Variants in RELL1 observed in about 807,000 individuals in gnomAD.
RELL1 encodes RELT-like protein 1.
A neutral mutation model predicts 23.0 loss-of-function variants in RELL1; 10 were observed. The observed-to-expected ratio is 0.43, with a 90% CI of 0.27 to 0.74. The LOEUF (loss-of-function observed/expected upper bound fraction) is 0.74. Among genes scored for constraint, RELL1 ranks in the 30% least tolerant of loss-of-function variants. RELL1 has a pLI of 0.19. For synonymous variants in RELL1, 146 were observed against 146.8 expected, an observed-to-expected ratio of 0.99 and a Z score of 0.04; for missense variants, 315 against 364.4, an observed-to-expected ratio of 0.86 and a Z score of 1.10.
downstream of RELL1, among the ~76,000 whole-genome samples, chr4:37,586,745 A>T (rs1718358016): frequency 6.6e-6 from 1 of 152,160 alleles, no homozygotes; most frequent in African/African-American, 2.4e-5. Context: ...CCTCATCTCT[A>T]CTAAAAATAT....
intron 1 of RELL1, among the ~76,000 whole-genome samples, chr4:37,660,984 C>T (rs1475308049): frequency 6.6e-6 from 1 of 151,410 alleles, no homozygotes; most frequent in Non-Finnish European, 1.5e-5. Context: ...TGAGCCGAGA[C>T]TGTGCCACTG....
intron 3 of RELL1, among the ~76,000 whole-genome samples, chr4:37,643,228 A>T (rs1720587151): frequency 6.6e-6 from 1 of 152,212 alleles, no homozygotes; most frequent in African/African-American, 2.4e-5. Context: ...AAAAACCCAC[A>T]TCTTTGTCAG....
chr4:37,613,670 G>T (rs940523764), intron 6 of RELL1, among the ~76,000 whole-genome samples: 2 of 152,160 alleles, frequency 1.3e-5, no homozygotes, highest in East Asian at 3.8e-4. Context: ...ACCAAAGCCA[G>T]TTCACTGGAA....
Position 37,612,176 on chromosome 4 carries a change from CAAAAAAAAAAAAAA to C in RELL1, c.*1156_*1169del, listed in dbSNP as rs36064800. On this transcript the variant is annotated 3_prime_UTR_variant, in exon 7 of 7. Coordinates refer to ENST00000454158, the MANE Select transcript of RELL1 (RefSeq NM_001085400.2). Reference sequence around the variant, plus strand: ...TGGGCGACAGAGCGAGACTCCGCCTCAAAAAAAAAAAAAAAAAAAAAAAAAGAGAGAAGCAGGGT... The same window carrying C: ...TGGGCGACAGAGCGAGACTCCGCCTCAAAAAAAAAAAGAGAGAAGCAGGGT... Among the ~76,000 whole-genome samples, 2 of 53,784 alleles carry C rather than the reference CAAAAAAAAAAAAAA, an allele frequency of 3.7e-5. No individual in the cohort carries two copies. The highest frequency in any genetic ancestry group is 5.8e-4 in the East Asian group (1 of 1,726). 35.3% of individuals were successfully genotyped at this position (53,784 alleles called of 152,430 possible).
chr4:37,681,152 T>C (rs1722206390), intron 1 of RELL1, among the ~76,000 whole-genome samples: 1 of 152,086 alleles, frequency 6.6e-6, no homozygotes, highest in Non-Finnish European at 1.5e-5. Flanking sequence ...TATGCAACAG[T>C]AGCAAACTCT....
chr4:37,606,215 A>G (rs997684791), downstream of RELL1, among the ~76,000 whole-genome samples: 11 of 147,870 alleles, frequency 7.4e-5, no homozygotes, highest in African/African-American at 9.7e-5. This position sits in a 1 kb window ranked among gnomAD's most constrained non-coding sequence, Gnocchi z 4.1. Context: ...AAAGAAGGAA[A>G]GAAAGAAAAA....
At chr4:37,605,873 G>C (rs1005950998), downstream of RELL1, among the ~76,000 whole-genome samples, 3 of 140,860 alleles carry the variant, frequency 2.1e-5, no homozygotes, top group African/African-American at 7.6e-5. Flanking sequence ...AAAGAGAAAG[G>C]AAAGAAGGAA....
intron 1 of RELL1, among the ~76,000 whole-genome samples, chr4:37,661,972 C>T (rs1180660491): frequency 6.6e-6 from 1 of 152,154 alleles, no homozygotes; most frequent in African/African-American, 2.4e-5. Flanking sequence ...ACCCAGATGG[C>T]ACCCACCTGC....
At chr4:37,605,793 G>GAGAGAGAGAGAGAGAAAGAA (rs1269670059), downstream of RELL1, among the ~76,000 whole-genome samples, 4 of 90,304 alleles carry the variant, frequency 4.4e-5, 1 homozygote, top group African/African-American at 1.5e-4. Flanking sequence ...GAGAAAGAAA[G>GAGAGAGAGAGAGAGAAAGAA]AGAAAGAAAG....
intron 5 of RELL1, among the ~76,000 whole-genome samples, 167 bp downstream of exon 5, chr4:37,634,720 T>C (rs553885473): frequency 1.3e-5 from 2 of 152,228 alleles, no homozygotes; most frequent in Non-Finnish European, 2.9e-5. Flanking sequence ...AGGATTCTTC[T>C]GTTGTTGGAA....
intron 4 of RELL1, 111 bp downstream of exon 4, chr4:37,638,336 T>C (rs371979833): frequency 4.3e-5 from 34 of 797,934 alleles, no homozygotes; most frequent in South Asian, 1.6e-4. Context: ...AAAATAACTA[T>C]AGTGTTAAAG....
intron 1 of RELL1, among the ~76,000 whole-genome samples, chr4:37,663,917 A>G (rs540847425): frequency 1.8e-4 from 28 of 152,290 alleles, no homozygotes; most frequent in African/African-American, 6.5e-4. Context: ...CAATGACCCT[A>G]TGATATACGA....
At chr4:37,630,895 T>C (rs1720106787) in intron 6 of RELL1, among the ~76,000 whole-genome samples, 1 of 151,810 alleles carries the variant, frequency 6.6e-6, no homozygotes, top group African/African-American at 2.4e-5. Flanking sequence ...ACAGTTTACC[T>C]AAAAATGGTG....
intron 1 of RELL1, among the ~76,000 whole-genome samples, chr4:37,672,937 G>A (rs1048176472): frequency 6.6e-6 from 1 of 152,006 alleles, no homozygotes; most frequent in African/African-American, 2.4e-5. Context: ...ACCCACAGTA[G>A]GGCCAAAAAA....
intron 1 of RELL1, 47 bp from the exon 2 acceptor site, chr4:37,649,547 A>G: frequency 6.6e-7 from 1 of 1,520,236 alleles, no homozygotes; most frequent in Non-Finnish European, 9.1e-7. Flanking sequence ...GTCCAGGGCA[A>G]GAAAAACCTA....
At chr4:37,684,979 G>C (rs1722351675) in intron 1 of RELL1, among the ~76,000 whole-genome samples, 1 of 152,006 alleles carries the variant, frequency 6.6e-6, no homozygotes, top group African/African-American at 2.4e-5. Context: ...AAAAAAAATT[G>C]TCCCATCCAG....
At chr4:37,671,270 G>C (rs1040298395) in intron 1 of RELL1, among the ~76,000 whole-genome samples, 17 of 152,170 alleles carry the variant, frequency 1.1e-4, no homozygotes, top group African/African-American at 4.1e-4. Context: ...GTTTGAACCA[G>C]AATAACTCCA....
At chr4:37,663,181 C>A (rs143202312) in intron 1 of RELL1, among the ~76,000 whole-genome samples, 2 of 152,254 alleles carry the variant, frequency 1.3e-5, no homozygotes, top group African/African-American at 4.8e-5. Flanking sequence ...TGTTCTCCAG[C>A]CCCTCCCTCC....
In RELL1 at chr4:37,686,228, G is replaced by T; in HGVS notation, c.60C>A (p.Gly20=). 1 of 1,580,622 alleles carries T rather than the reference G, an allele frequency of 6.3e-7. No individual in the cohort carries two copies. Among genetic ancestry groups the T allele is most frequent in the Non-Finnish European group, 8.5e-7 (1 of 1,171,574 alleles). ...AVLAAAVFVG[G]AVSSPLVAPD... The stretch of plus-strand genomic sequence containing the variant: ...GAGCCACCAGCGGCGAACTCACGGC[G>T]CCTCCCACGAAGACAGCAGCGGCTA... Residue 20 remains glycine (G), a synonymous_variant, in exon 1 of 7, where the codon GGC becomes GGA. Transcript: ENST00000454158.
Sources: gnomAD v4.1 joint callset for allele counts (sites outside exome capture counted in the v4.1 genomes callset) on GRCh38, gnomAD v4.1.1 for gene constraint, Gnocchi (gnomAD v3.1) non-coding constraint, MANE v1.5 for transcripts, NCBI Gene and HGNC (gene_info 2026-07-23, HGNC 2026-07-21) for gene names.